CDH18: variants seen among roughly 807,000 people sequenced by gnomAD.
The protein encoded by CDH18 is cadherin-18.
A neutral mutation model predicts 67.9 loss-of-function variants in CDH18; 31 were observed. The ratio of observed to expected loss-of-function variants is 0.46; its 90% CI spans 0.34 to 0.62. CDH18 has a LOEUF of 0.62. CDH18 is among the 20% of genes least tolerant of loss of function. The pLI, the probability that CDH18 is intolerant of heterozygous loss-of-function variation, is 0.01. For missense variants in CDH18, 890 were observed against 975.5 expected, an observed-to-expected ratio of 0.91 and a Z score of 1.17; for synonymous variants, 362 against 347.2, an observed-to-expected ratio of 1.04 and a Z score of -0.48.
chr5:20,477,174 A>G (rs1752497615), intron 1 of CDH18, among the ~76,000 whole-genome samples: 1 of 152,032 alleles, frequency 6.6e-6, no homozygotes, highest in Non-Finnish European at 1.5e-5. Flanking sequence ...CTATATCCCT[A>G]TTAGGGAGAA....
intron 2 of CDH18, among the ~76,000 whole-genome samples, chr5:19,852,498 T>C (rs550472304): frequency 1.2e-4 from 18 of 152,138 alleles, no homozygotes; most frequent in Non-Finnish European, 1.9e-4. Context: ...TGAGGATTTA[T>C]ATGTGTGCAT....
At chr5:19,643,860 G>A (rs1754373940) in intron 5 of CDH18, among the ~76,000 whole-genome samples, 1 of 151,936 alleles carries the variant, frequency 6.6e-6, no homozygotes, top group South Asian at 2.1e-4. Context: ...AAACACAAAA[G>A]GTAACTTTCA....
In CDH18 at chr5:20,509,489, G is replaced by A. The variant is rs180885777; in HGVS notation, c.-580+65973C>T. 8.9e-3 allele frequency among the ~76,000 whole-genome samples: 1,324 copies of A among 148,588 alleles called. 14 individuals are homozygous for A. The highest frequency in any genetic ancestry group is 0.014 in the Non-Finnish European group (939 of 67,576). ...ACGATCTTCACTCACTGTAATCTCT[G>A]CCTCCCAGGTTCAAGCTGAGGCAAG... is the stretch of plus-strand genomic sequence containing the variant. On this transcript the variant is annotated intron_variant, in intron 1 of 14. Coordinates refer to the CDH18 transcript ENST00000507958.
chr5:19,541,642 G>C (rs1462500749), intron 9 of CDH18, among the ~76,000 whole-genome samples: 1 of 152,174 alleles, frequency 6.6e-6, no homozygotes, highest in Non-Finnish European at 1.5e-5. Flanking sequence ...GCAGGCAAGA[G>C]AGAGCGTGTG....
rs1034010143 is a variant in CDH18 at position 19,518,862 on chromosome 5, C to T, written c.1512+1795G>A. Among the ~76,000 whole-genome samples, 3 of 152,130 alleles carry T rather than the reference C, an allele frequency of 2.0e-5. No homozygotes were observed. The South Asian group carries it at 6.2e-4, about 31-fold the overall frequency. On this transcript the variant is annotated intron_variant, in intron 10 of 12. Transcript: ENST00000382275. ...CTTAATAAACTCCCTTTCATATATA[C>T]TTCTATCCTATTAGTTCTGTCTCTC... is the stretch of plus-strand genomic sequence containing the variant.
chr5:20,535,854 C>T (rs1349579937), intron 1 of CDH18, among the ~76,000 whole-genome samples: 1 of 152,054 alleles, frequency 6.6e-6, no homozygotes, highest in Non-Finnish European at 1.5e-5. Flanking sequence ...AGTAGTTCAT[C>T]CTGTAAATTT....
At chr5:19,986,844 A>G (rs1055178718) in intron 1 of CDH18, among the ~76,000 whole-genome samples, 5 of 152,310 alleles carry the variant, frequency 3.3e-5, no homozygotes, top group Middle Eastern at 6.8e-3. Context: ...CTCTGGTAAG[A>G]CAAATACACT....
chr5:20,144,922 C>G (rs896402359), intron 2 of CDH18, among the ~76,000 whole-genome samples: 2 of 152,096 alleles, frequency 1.3e-5, no homozygotes, highest in Non-Finnish European at 2.9e-5. Context: ...AGGTGATGCT[C>G]TACCAGCCAA....
chr5:20,032,249 A>T (rs1238256660), intron 2 of CDH18, among the ~76,000 whole-genome samples: 2 of 150,504 alleles, frequency 1.3e-5, no homozygotes, highest in African/African-American at 4.9e-5. Flanking sequence ...ATATATATAT[A>T]ATATATATAT....
intron 1 of CDH18, among the ~76,000 whole-genome samples, chr5:20,445,993 C>A (rs941938165): frequency 6.6e-6 from 1 of 151,786 alleles, no homozygotes; most frequent in Non-Finnish European, 1.5e-5. Flanking sequence ...TGTGTCTGAA[C>A]GAAAGGATGA....
intron 1 of CDH18, among the ~76,000 whole-genome samples, chr5:20,441,962 T>C (rs1749641317): frequency 1.3e-5 from 2 of 151,868 alleles, no homozygotes; most frequent in South Asian, 4.2e-4. Context: ...GAAACAGAAA[T>C]GGTCAGGCAA....
intron 2 of CDH18, among the ~76,000 whole-genome samples, chr5:19,974,070 T>C (rs1798274174): frequency 6.6e-6 from 1 of 152,052 alleles, no homozygotes; most frequent in Non-Finnish European, 1.5e-5. Context: ...AAGATACACA[T>C]AGTGAACATA....
Position 19,506,119 on chromosome 5 carries a change from A to G in CDH18, c.1513-3010T>C, listed in dbSNP as rs1446985667. On this transcript the variant is annotated intron_variant, in intron 10 of 12. Transcript: ENST00000382275. ...AAATCACAAGTATTCTTATACACAC[A>G]TAACAGAGAGCCAAATCATGAGTGA... Among the ~76,000 whole-genome samples, 3 of 140,432 alleles carry G rather than the reference A, an allele frequency of 2.1e-5. No individual in the cohort carries two copies. In the East Asian group the frequency reaches 5.8e-4, roughly 27 times the overall value. The allele number at this position is 140,432 out of a possible 152,430, so 92.1% of individuals were successfully genotyped here. A position where few individuals can be genotyped will look rare whatever the true frequency, so the allele number is the denominator to read the frequency against.
At chr5:20,377,914 TCAATTATGAATTTGCTCCTTTAATGGAG>T (rs6148934) in intron 1 of CDH18, among the ~76,000 whole-genome samples, 22,474 of 151,322 alleles carry the variant, frequency 0.15, 2,995 homozygotes, top group East Asian at 0.42. Context: ...TTTTAACTTC[TCAATTATGAATTTGCTCCTTTAATGGAG>T]CAATTATGAA....
chr5:20,131,061 TA>T (rs1269109494), intron 2 of CDH18, among the ~76,000 whole-genome samples: 1 of 152,128 alleles, frequency 6.6e-6, no homozygotes, highest in African/African-American at 2.4e-5. Flanking sequence ...TCATATCATT[TA>T]AAAAATTTTT....
chr5:20,457,632 T>C (rs1750932167), intron 1 of CDH18, among the ~76,000 whole-genome samples: 1 of 152,170 alleles, frequency 6.6e-6, no homozygotes, highest in African/African-American at 2.4e-5. Flanking sequence ...GGTTATAGTA[T>C]GTGCTGCTTG....
intron 10 of CDH18, among the ~76,000 whole-genome samples, chr5:19,503,735 A>G (rs1213793117): frequency 6.6e-6 from 1 of 152,122 alleles, no homozygotes; most frequent in East Asian, 1.9e-4. Context: ...ATTCTTTAGA[A>G]TCTGGACTTA....
chr5:19,497,921 T>C (rs938328898), intron 11 of CDH18, among the ~76,000 whole-genome samples: 1 of 152,206 alleles, frequency 6.6e-6, no homozygotes, highest in Non-Finnish European at 1.5e-5. Context: ...CACAGTGTTA[T>C]AGATGCTGGA....
chr5:19,914,776 A>C (rs1024710093), intron 2 of CDH18, among the ~76,000 whole-genome samples: 1 of 152,122 alleles, frequency 6.6e-6, no homozygotes, highest in African/African-American at 2.4e-5. Flanking sequence ...ACCAAAGGAA[A>C]CAAAATGAAA....
Sources: allele counts gnomAD v4.1 joint callset (sites outside exome capture counted in the v4.1 genomes callset), GRCh38; gene constraint gnomAD v4.1.1; transcripts MANE v1.5; gene names NCBI Gene and HGNC (gene_info 2026-07-23, HGNC 2026-07-21).